SAMD13: variants seen among roughly 807,000 people sequenced by gnomAD.
SAMD13 encodes sterile alpha motif domain containing 13.
A neutral mutation model predicts 12.4 loss-of-function variants in SAMD13; 9 were observed. That is an observed-to-expected ratio of 0.72 (90% CI 0.44 to 1.26). The LOEUF (loss-of-function observed/expected upper bound fraction) is 1.26, where lower values mean the gene tolerates loss of function less well. Ranked by LOEUF, SAMD13 falls within the 50% of genes most tolerant of loss-of-function variation. The pLI, the probability that SAMD13 is intolerant of heterozygous loss-of-function variation, is 0.00. For missense variants in SAMD13, 84 were observed against 119.6 expected, an observed-to-expected ratio of 0.70 and a Z score of 1.39; for synonymous variants, 46 against 45.4, an observed-to-expected ratio of 1.01 and a Z score of -0.05.
chr1:84,300,680 T>C (rs1286726405), upstream of SAMD13, among the ~76,000 whole-genome samples: 1 of 152,172 alleles, frequency 6.6e-6, no homozygotes, highest in Non-Finnish European at 1.5e-5. Context: ...ATGTTTTCTG[T>C]GTATGTGCAG....
At chr1:84,328,328 GA>G (rs2101807053) in intron 3 of SAMD13, among the ~76,000 whole-genome samples, 1 of 152,320 alleles carries the variant, frequency 6.6e-6, no homozygotes, top group Admixed American at 6.5e-5. Context: ...CTTCAAGGGA[GA>G]AGTGAGCATC....
chr1:84,339,835 C>T (rs1244673608), intron 3 of SAMD13, among the ~76,000 whole-genome samples: 3 of 152,120 alleles, frequency 2.0e-5, no homozygotes, highest in Non-Finnish European at 2.9e-5. Context: ...GACTTACTCA[C>T]ATCCAGGAAA....
intron 2 of SAMD13, among the ~76,000 whole-genome samples, chr1:84,316,156 T>G (rs182660964): frequency 6.6e-5 from 10 of 152,310 alleles, no homozygotes; most frequent in Non-Finnish European, 1.3e-4. Flanking sequence ...GTATTTTCTC[T>G]CATTCCATAG....
rs559364339 is a variant in SAMD13, at chr1:84,303,435, C to G, written c.53+148C>G. ...CTGGCCAGCAGCCTCCCTTCTCCCC[C>G]CTACCCCAGTTACCTTTTTCTGTAT... On this transcript the variant is annotated intron_variant, in intron 2 of 3. Transcript: ENST00000394834. The G allele has an allele frequency of 5.3e-5, 30 of 569,796 alleles. 2 individuals carry two copies. The highest frequency in any genetic ancestry group is 2.9e-4 in the South Asian group (14 of 48,960). 35.3% of individuals were successfully genotyped at this position (569,796 alleles called of 1,614,324 possible).
chr1:84,299,566 C>A (rs1678396857), upstream of SAMD13: 9 of 1,482,994 alleles, frequency 6.1e-6, no homozygotes, highest in Non-Finnish European at 8.1e-6. Context: ...ATCACACTCA[C>A]ATACTTTATG....
upstream of SAMD13, among the ~76,000 whole-genome samples, chr1:84,299,316 C>G (rs9645392): frequency 6.6e-5 from 10 of 152,194 alleles, no homozygotes; most frequent in Non-Finnish European, 1.5e-4. Context: ...TCCCCTCTCC[C>G]TATCTGAGCG....
intron 2 of SAMD13, 108 bp downstream of exon 2, chr1:84,303,395 C>T (rs1678493624): frequency 2.4e-6 from 2 of 830,754 alleles, no homozygotes; most frequent in African/African-American, 3.4e-5. Flanking sequence ...TGGGGGTCGC[C>T]TTGGTTTGTC....
At chr1:84,301,832 A>G in intron 1 of SAMD13, 31 bp downstream of exon 1, 1 of 838,386 alleles carries the variant, frequency 1.2e-6, no homozygotes, top group Non-Finnish European at 1.4e-6. Context: ...TCCACAGAAA[A>G]GAAAATAATA....
At chr1:84,327,113 C>T (rs949972773) in intron 3 of SAMD13, among the ~76,000 whole-genome samples, 4 of 152,054 alleles carry the variant, frequency 2.6e-5, no homozygotes, top group African/African-American at 9.7e-5. Flanking sequence ...AATGAAAACA[C>T]ATGTCTGTAA....
chr1:84,335,358 T>C (rs1419557692), intron 3 of SAMD13, among the ~76,000 whole-genome samples: 1 of 152,174 alleles, frequency 6.6e-6, no homozygotes. Flanking sequence ...GAAATTAGAA[T>C]AGCAAACCCT....
At chr1:84,328,955 G>A (rs1301097868) in intron 3 of SAMD13, among the ~76,000 whole-genome samples, 2 of 152,136 alleles carry the variant, frequency 1.3e-5, no homozygotes, top group Non-Finnish European at 2.9e-5. Flanking sequence ...GGGCAGCACG[G>A]TTGCCAGTGA....
chr1:84,322,377 T>C (rs1398415592), intron 2 of SAMD13, among the ~76,000 whole-genome samples: 1 of 152,202 alleles, frequency 6.6e-6, no homozygotes, highest in Non-Finnish European at 1.5e-5. Context: ...ATTTGGGGTG[T>C]GTTTCTTAAC....
At chr1:84,303,505 A>C (rs147125420) in intron 2 of SAMD13, 12 of 417,230 alleles carry the variant, frequency 2.9e-5, no homozygotes, top group East Asian at 4.6e-5. Flanking sequence ...AATATATATG[A>C]AAGGTTTGTG....
chr1:84,333,970 G>A (rs777777666), intron 3 of SAMD13, among the ~76,000 whole-genome samples: 2 of 152,016 alleles, frequency 1.3e-5, no homozygotes, highest in African/African-American at 2.4e-5. Context: ...TTTTGTTGAG[G>A]ATTTTTGCAT....
rs1678632022 is a variant in SAMD13 at position 84,308,391 on chromosome 1, A to C, written c.53+5104A>C. Among the ~76,000 whole-genome samples the C allele has an allele frequency of 4.6e-5, 7 of 152,152 alleles. No homozygotes were observed. In the South Asian group the frequency reaches 1.4e-3, roughly 32 times the overall value. On this transcript the variant is annotated intron_variant, in intron 2 of 3. Transcript: ENST00000394834. ...TATACATTGTAGGATGTTTCTCAGC[A>C]TCCCCACCTTCTACCAATGATATGC...
At chr1:84,311,108 G>A (rs543930132) in intron 2 of SAMD13, among the ~76,000 whole-genome samples, 1 of 152,186 alleles carries the variant, frequency 6.6e-6, no homozygotes, top group Admixed American at 6.5e-5. Flanking sequence ...GGCCGAGGCA[G>A]GCAGATCACT....
At position 84,303,440 on chromosome 1, in the gene SAMD13, C is replaced by T. The variant is rs1039505722; in HGVS notation, c.53+153C>T. ...CAGCAGCCTCCCTTCTCCCCCCTACCCCAGTTACCTTTTTCTGTATTGCAT... is the reference window on the plus strand; with the variant it reads ...CAGCAGCCTCCCTTCTCCCCCCTACTCCAGTTACCTTTTTCTGTATTGCAT... On this transcript the variant is annotated intron_variant, in intron 2 of 3. Transcript: ENST00000394834. 3 of 554,314 alleles carry T rather than the reference C, an allele frequency of 5.4e-6. No individual in the cohort carries two copies. In the South Asian group the frequency reaches 6.3e-5, roughly 12 times the overall value. The allele number at this position is 554,314 out of a possible 1,614,324, so 34.3% of individuals were successfully genotyped here. A position where few individuals can be genotyped will look rare whatever the true frequency, so the allele number is the denominator to read the frequency against.
chr1:84,348,951 G>A (rs1679590920), intron 3 of SAMD13, among the ~76,000 whole-genome samples: 1 of 152,180 alleles, frequency 6.6e-6, no homozygotes, highest in Non-Finnish European at 1.5e-5. Flanking sequence ...GGGCAGGAAA[G>A]TCTCCCAGAG....
intron 3 of SAMD13, among the ~76,000 whole-genome samples, chr1:84,341,451 C>G (rs172735): frequency 0.83 from 125,996 of 152,044 alleles, 53,162 homozygotes; most frequent in Non-Finnish European, 0.92. Context: ...GATTGGTACA[C>G]TGCAAATGTG....
Sources: gnomAD v4.1 joint callset for allele counts (sites outside exome capture counted in the v4.1 genomes callset) on GRCh38, gnomAD v4.1.1 for gene constraint, MANE v1.5 for transcripts, NCBI Gene and HGNC (gene_info 2026-07-23, HGNC 2026-07-21) for gene names.